The following P2RY8 variants were observed in gnomAD, a reference collection of about 807,000 sequenced individuals.
The protein encoded by P2RY8 is S-geranylgeranyl-glutathione receptor P2RY8.
P2RY8 carries 6 observed loss-of-function variants against 10.0 expected under a neutral mutation model. The ratio of observed to expected loss-of-function variants is 0.60; its 90% CI spans 0.33 to 1.19. The LOEUF (loss-of-function observed/expected upper bound fraction) is 1.19. Ranked by LOEUF, P2RY8 falls within the 50% of genes most tolerant of loss-of-function variation. P2RY8 has a pLI of 0.04. For synonymous variants in P2RY8, 276 were observed against 252.5 expected, an observed-to-expected ratio of 1.09 and a Z score of -0.88; for missense variants, 456 against 542.0, an observed-to-expected ratio of 0.84 and a Z score of 1.58.
intron 1 of P2RY8, among the ~76,000 whole-genome samples, chrX:1,482,931 C>T (rs1409066165): frequency 4.3e-5 from 6 of 140,874 alleles, no homozygotes; most frequent in Admixed American, 1.4e-4. Context: ...CATCACACAC[C>T]GGGGACTGTT....
rs1311719180 is a variant in P2RY8, at chrX:1,469,311, G to A, written c.-24-2729C>T. Among the ~76,000 whole-genome samples the A allele has an allele frequency of 1.2e-4, 18 of 150,694 alleles. No individual in the cohort carries two copies. In the East Asian group the frequency reaches 1.2e-3, roughly 10 times the overall value. ...CCTGAGTAGCTGGGATTACATGCAT[G>A]CACCACCACGCCTGGCTGATTTTTT... On this transcript the variant is annotated intron_variant, in intron 1 of 1. Coordinates refer to ENST00000381297, the MANE Select transcript of P2RY8 (RefSeq NM_178129.5).
intron 1 of P2RY8, among the ~76,000 whole-genome samples, chrX:1,523,393 T>C (rs2092407069): frequency 6.6e-6 from 1 of 152,150 alleles, no homozygotes; most frequent in Non-Finnish European, 1.5e-5. Flanking sequence ...ATCTCCCTGG[T>C]CCCCAATATT....
intron 1 of P2RY8, among the ~76,000 whole-genome samples, chrX:1,504,630 T>G (rs189570229): frequency 6.6e-6 from 1 of 152,254 alleles, no homozygotes; most frequent in Non-Finnish European, 1.5e-5. Flanking sequence ...GGCAGGTGGA[T>G]CACTTGAGGT....
chrX:1,487,750 G>T (rs1426883258), intron 1 of P2RY8, among the ~76,000 whole-genome samples: 1 of 152,108 alleles, frequency 6.6e-6, no homozygotes, highest in Admixed American at 6.6e-5. Context: ...CATAGTCCTG[G>T]CCTGCTGGGC....
At chrX:1,506,785 C>A (rs774133988) in intron 1 of P2RY8, among the ~76,000 whole-genome samples, 1 of 151,776 alleles carries the variant, frequency 6.6e-6, no homozygotes, top group East Asian at 1.9e-4. Flanking sequence ...TGAAGTGATT[C>A]TTCTGCCTCA....
rs1487117175 is a variant in P2RY8, at chrX:1,530,149, GTATGTATGATCTATCTATCTATCTATC to G, written c.-25+6745_-25+6771del. Among the ~76,000 whole-genome samples, 304 of 132,092 alleles carry G rather than the reference GTATGTATGATCTATCTATCTATCTATC, an allele frequency of 2.3e-3. 3 individuals are homozygous for G. The East Asian group carries it at 0.023, about 10-fold the overall frequency. The allele number at this position is 132,092 out of a possible 152,430, so 86.7% of individuals were successfully genotyped here. ...TCTATGTATGTATGTATGTATGTATGTATGTATGATCTATCTATCTATCTATCTATCTATCTATCTATCTATCTATCT... is the reference window on the plus strand; with the variant it reads ...TCTATGTATGTATGTATGTATGTATGTATCTATCTATCTATCTATCTATCT... On this transcript the variant is annotated intron_variant, in intron 1 of 1. Transcript: ENST00000381297.
intron 1 of P2RY8, among the ~76,000 whole-genome samples, chrX:1,513,328 CAT>C (rs1462098997): frequency 2.0e-5 from 3 of 151,852 alleles, no homozygotes; most frequent in African/African-American, 7.3e-5. Flanking sequence ...CTGCAATAAA[CAT>C]AGACCCGTGA....
At chrX:1,487,903 G>T (rs1277388656) in intron 1 of P2RY8, among the ~76,000 whole-genome samples, 1 of 152,138 alleles carries the variant, frequency 6.6e-6, no homozygotes, top group African/African-American at 2.4e-5. Context: ...GAGGTCAGGA[G>T]ATCGAGACCA....
intron 1 of P2RY8, among the ~76,000 whole-genome samples, chrX:1,494,751 C>A (rs1332034784): frequency 1.3e-5 from 2 of 152,146 alleles, no homozygotes; most frequent in Admixed American, 6.5e-5. Context: ...TGCCTCCCAA[C>A]CTGGAGTGCA....
intron 1 of P2RY8, among the ~76,000 whole-genome samples, chrX:1,488,384 C>T (rs1175269570): frequency 2.0e-5 from 3 of 152,192 alleles, no homozygotes; most frequent in Non-Finnish European, 2.9e-5. Context: ...TTCCTTGGTA[C>T]AGTGGTCTAC....
At position 1,537,026 on chromosome X, in the gene P2RY8, G is replaced by C. The variant is rs369751985; in HGVS notation, c.-130C>G. On this transcript the variant is annotated 5_prime_UTR_variant, in exon 1 of 2. Coordinates refer to ENST00000381297, the MANE Select transcript of P2RY8 (RefSeq NM_178129.5). ...GCCGTGCCTCAGAGCCCGGGACTCGGGGGGCCAGCCACCAGCTTGCAAGCC... is the reference window on the plus strand; with the variant it reads ...GCCGTGCCTCAGAGCCCGGGACTCGCGGGGCCAGCCACCAGCTTGCAAGCC... 306 of 232,620 alleles carry C rather than the reference G, an allele frequency of 1.3e-3. 8 individuals carry two copies. The South Asian group carries it at 0.046, about 35-fold the overall frequency. 14.4% of individuals were successfully genotyped at this position (232,620 alleles called of 1,614,324 possible). A position where few individuals can be genotyped will look rare whatever the true frequency, so the allele number is the denominator to read the frequency against.
chrX:1,532,426 T>G (rs1377386182), intron 1 of P2RY8, among the ~76,000 whole-genome samples: 1 of 145,618 alleles, frequency 6.9e-6, no homozygotes. Flanking sequence ...TGTGTATATA[T>G]ACACATATAT....
rs1318193075 is a variant in P2RY8 at position 1,478,272 on chromosome X, T to TGTGTGTGTGTGTGTGTGTGTGTGC, written c.-24-11691_-24-11690insGCACACACACACACACACACACAC. Among the ~76,000 whole-genome samples, 695 of 103,956 alleles carry TGTGTGTGTGTGTGTGTGTGTGTGC rather than the reference T, an allele frequency of 6.7e-3. 2 individuals carry two copies. The highest frequency in any genetic ancestry group is 7.6e-3 in the Non-Finnish European group (345 of 45,202). 68.2% of individuals were successfully genotyped at this position (103,956 alleles called of 152,430 possible). A position where few individuals can be genotyped will look rare whatever the true frequency, so the allele number is the denominator to read the frequency against. On this transcript the variant is annotated intron_variant, in intron 1 of 1. Transcript: ENST00000381297. ...GTATGTGTGTGTGTGTGTGTGTGTG[T>TGTGTGTGTGTGTGTGTGTGTGTGC]GCCCAGCAGGGAAGCAGAAATTATT...
intron 1 of P2RY8, among the ~76,000 whole-genome samples, chrX:1,528,423 C>G (rs1248732867): frequency 6.6e-6 from 1 of 152,234 alleles, no homozygotes; most frequent in Non-Finnish European, 1.5e-5. Flanking sequence ...AGGAGGCCAT[C>G]ACAGCTCTGA....
intron 1 of P2RY8, among the ~76,000 whole-genome samples, chrX:1,531,270 T>C (rs1172855856): frequency 2.0e-5 from 3 of 152,128 alleles, no homozygotes; most frequent in Admixed American, 2.0e-4. Flanking sequence ...ATCCCCAGGA[T>C]GGCCCCACCA....
At chrX:1,535,326 G>A (rs1298354198) in intron 1 of P2RY8, among the ~76,000 whole-genome samples, 157 of 151,006 alleles carry the variant, frequency 1.0e-3, no homozygotes, top group Non-Finnish European at 1.8e-3. Flanking sequence ...TAACTGGGAT[G>A]ACAGGTGCCC....
chrX:1,532,408 GTATATGA>G (rs2092483188), intron 1 of P2RY8, among the ~76,000 whole-genome samples: 13 of 136,382 alleles, frequency 9.5e-5, no homozygotes, highest in Middle Eastern at 3.8e-3. Flanking sequence ...ATGTATATAT[GTATATGA>G]TGTGTATATA....
chrX:1,484,498 G>A (rs5948911), intron 1 of P2RY8, among the ~76,000 whole-genome samples: 26,963 of 151,640 alleles, frequency 0.18, 2,815 homozygotes, highest in Non-Finnish European at 0.24. Context: ...AGGCTGAGGC[G>A]GGCGGATCAT....
intron 1 of P2RY8, among the ~76,000 whole-genome samples, chrX:1,506,861 A>G (rs762037949): frequency 4.6e-4 from 70 of 151,942 alleles, no homozygotes; most frequent in African/African-American, 1.7e-3. Flanking sequence ...TATTTTTAGT[A>G]GAGACGGGGT....
Sources: gnomAD v4.1 joint callset for allele counts (sites outside exome capture counted in the v4.1 genomes callset) on GRCh38, gnomAD v4.1.1 for gene constraint, MANE v1.5 for transcripts, NCBI Gene and HGNC (gene_info 2026-07-23, HGNC 2026-07-21) for gene names.